ERI2: variants seen among roughly 807,000 people sequenced by gnomAD.
The protein encoded by ERI2 is ERI1 exoribonuclease 2.
In ERI2, 35 loss-of-function variants were observed where a neutral mutation model predicts 46.8. That is an observed-to-expected ratio of 0.75 (90% CI 0.57 to 0.99). The LOEUF (loss-of-function observed/expected upper bound fraction) is 0.99. ERI2 is among the 50% of genes least tolerant of loss of function. The pLI is 0.00. For missense variants in ERI2, 695 were observed against 796.2 expected (o/e 0.87, Z 1.53); for synonymous variants, 224 against 271.0 (o/e 0.83, Z 1.70).
Position 20,780,800 on chromosome 16 carries a change from C to T in ERI2, c.895-66G>A, listed in dbSNP as rs137879235. 1.6e-3 allele frequency: 2,513 copies of T among 1,614,168 alleles called. 2 individuals are homozygous for T. Among genetic ancestry groups the T allele is most frequent in the Non-Finnish European group, 2.0e-3 (2,325 of 1,180,024 alleles). ...TTTACCAGTGGAACAAGTGGATATCCGAAAATGACTGCACACACCCACAGC... is the reference window on the plus strand; with the variant it reads ...TTTACCAGTGGAACAAGTGGATATCTGAAAATGACTGCACACACCCACAGC... On this transcript the variant is annotated intron_variant, in intron 10 of 10. Transcript: ENST00000300005.
chr16:20,806,249 C>T (rs960834799), intron 1 of ERI2, 159 bp downstream of exon 1: 41 of 1,414,800 alleles, frequency 2.9e-5, no homozygotes, highest in Non-Finnish European at 3.8e-5. Context: ...TCCAGGGAGG[C>T]GCCTTTCCAA....
chr16:20,800,122 T>C, intron 6 of ERI2, 84 bp from the exon 7 acceptor site: 1 of 979,768 alleles, frequency 1.0e-6, no homozygotes, highest in South Asian at 1.5e-5. Flanking sequence ...TTTTTAGTTC[T>C]ATTAGATTTA....
chr16:20,796,181 A>G, downstream of ERI2: 1 of 979,676 alleles, frequency 1.0e-6, no homozygotes, highest in Non-Finnish European at 1.4e-6. Context: ...CAGGGGTCCC[A>G]GAAGCTCTCC....
At chr16:20,793,351 C>T (rs1014203364), downstream of ERI2, among the ~76,000 whole-genome samples, 2 of 152,154 alleles carry the variant, frequency 1.3e-5, no homozygotes, top group Admixed American at 1.3e-4. Flanking sequence ...CGCCTGTAAT[C>T]CCTGCTACTT....
chr16:20,798,769 G>T lies in ERI2; in HGVS notation c.1031C>A (p.Ser344Tyr), dbSNP rs1223858085. 7 of 1,551,474 alleles carry T rather than the reference G, an allele frequency of 4.5e-6. No individual in the cohort carries two copies. In the East Asian group the frequency reaches 1.7e-4, roughly 38 times the overall value. The change falls in exon 9 of 9, where the codon TCT (serine) becomes TAT (tyrosine). Residue 344 changes from serine (S) to tyrosine (Y), a missense_variant. Physicochemically the swap from Ser to Tyr is moderately radical, Grantham distance 144 (BLOSUM62 -2). Coordinates refer to ENST00000357967, the MANE Select transcript of ERI2 (RefSeq NM_001142725.2). ...ATAGATAGGTGAATTCAAGGTAGGA[G>T]ACTGCAACTGCCCCACAGAAGTAGA... ...KSSTSVGQLQ[S>Y]PTLNSPIYMQ...
At position 20,806,391 on chromosome 16, in the gene ERI2, G is replaced by A. The variant is rs1342071888; in HGVS notation, c.23+17C>T. The A allele has an allele frequency of 5.2e-6, 8 of 1,549,908 alleles. No homozygotes were observed. The highest frequency in any genetic ancestry group is 7.0e-6 in the Non-Finnish European group (8 of 1,146,976). On this transcript the variant is annotated intron_variant, in intron 1 of 8. Coordinates refer to ENST00000357967, the MANE Select transcript of ERI2 (RefSeq NM_001142725.2). The stretch of plus-strand genomic sequence containing the variant: ...ACCCGGAGCTACCCGCCCCCGACCC[G>A]GAACTCCCTCGAGTACCGCGCGAGC...
At chr16:20,805,554 A>G (rs1393039513) in intron 1 of ERI2, among the ~76,000 whole-genome samples, 2 of 152,244 alleles carry the variant, frequency 1.3e-5, no homozygotes, top group East Asian at 3.8e-4. Context: ...GACCTGTGCT[A>G]ACATTCTTAA....
downstream of ERI2, chr16:20,792,387 T>C (rs764887199): frequency 1.2e-6 from 2 of 1,603,238 alleles, no homozygotes; most frequent in East Asian, 4.5e-5. Context: ...ATTTAACACA[T>C]ACTTACAAAC....
In ERI2 at chr16:20,780,994, C is replaced by G. The variant is rs370138574; in HGVS notation, c.895-260G>C. The G allele has an allele frequency of 1.8e-5, 29 of 1,613,916 alleles. No homozygotes were observed. In the East Asian group the frequency reaches 6.0e-4, roughly 33 times the overall value. ...CCCAGGTTCTGGCTAGATTTGACAC[C>G]CTCAGATGTGATGTGGAATACCTCA... is the stretch of plus-strand genomic sequence containing the variant. On this transcript the variant is annotated intron_variant, in intron 10 of 10. Coordinates refer to the ERI2 transcript ENST00000300005.
At chr16:20,794,844 C>T (rs757684568), downstream of ERI2, among the ~76,000 whole-genome samples, 34 of 152,322 alleles carry the variant, frequency 2.2e-4, no homozygotes, top group Non-Finnish European at 4.1e-4. Context: ...GCTGTTCTGA[C>T]TTCAGAGTTC....
Position 20,798,581 on chromosome 16 carries a change from C to G in ERI2, c.1219G>C (p.Asp407His). Residue 407 changes from aspartate (D) to histidine (H), a missense_variant, in exon 9 of 9, where the codon GAT (aspartate) becomes CAT (histidine). Physicochemically the swap from Asp to His is moderately conservative, Grantham distance 81. Coordinates refer to ENST00000357967, the MANE Select transcript of ERI2 (RefSeq NM_001142725.2). ...STLDCLPVLA[D>H]WEDVVLLPAS... ...GGCAGTAAAACCACATCCTCCCAAT[C>G]AGCCAACACAGGTAAACAGTCCAGA... 6.4e-7 allele frequency: 1 copy of G among 1,551,628 alleles called. No individual in the cohort carries two copies. Among genetic ancestry groups the G allele is most frequent in the African/African-American group, 1.4e-5 (1 of 73,176 alleles).
chr16:20,790,675 T>A lies in ERI2; in HGVS notation c.815+175A>T. On this transcript the variant is annotated intron_variant, in intron 9 of 10. Transcript: ENST00000300005. The surrounding 1 kb of genome is among the most constrained non-coding windows in gnomAD (Gnocchi z 4.0). ...CTACCCAACCGACCATTTGGCCTTT[T>A]TACTCATTACGTAGTAAGTGACTTA... 1.2e-6 allele frequency: 2 copies of A among 1,614,174 alleles called. No homozygotes were observed. The highest frequency in any genetic ancestry group is 1.7e-6 in the Non-Finnish European group (2 of 1,180,006).
chr16:20,787,123 G>T (rs1363750981), intron 10 of ERI2, among the ~76,000 whole-genome samples: 1 of 152,172 alleles, frequency 6.6e-6, no homozygotes, highest in Non-Finnish European at 1.5e-5. Flanking sequence ...TTCAAAGCTG[G>T]GTGTAGCCAA....
At position 20,796,574 on chromosome 16, in the gene ERI2, T is replaced by C. The variant is rs1255105419; in HGVS notation, c.*1150A>G. The C allele has an allele frequency of 2.5e-6, 4 of 1,582,488 alleles. No individual in the cohort carries two copies. The African/African-American group carries it at 4.1e-5, about 16-fold the overall frequency. ...TTTTTACATTTTAATGAATATTTTC[T>C]TCACACATGCTGCACCACATGTCCC... is the stretch of plus-strand genomic sequence containing the variant. On this transcript the variant is annotated 3_prime_UTR_variant, in exon 9 of 9. Transcript: ENST00000357967.
rs755921925 is a variant in ERI2 at position 20,799,057 on chromosome 16, T to A, written c.743A>T (p.Lys248Met). The change falls in exon 9 of 9, where the codon AAG (lysine) becomes ATG (methionine). Residue 248 changes from lysine (K) to methionine (M), a missense_variant. Physicochemically the swap from Lys to Met is moderately conservative, Grantham distance 95. Coordinates refer to ENST00000357967, the MANE Select transcript of ERI2 (RefSeq NM_001142725.2). The stretch of plus-strand genomic sequence containing the variant: ...TCTGGCCAGAATGCTGAAATTCTTC[T>A]TAGTGGGAACCTATGATTCCACAGA... Reference protein sequence around the residue: ...ITRSLNKVPTKKNFSILARNL... With the variant: ...ITRSLNKVPTMKNFSILARNL... The A allele has an allele frequency of 6.0e-6, 9 of 1,507,764 alleles. No individual in the cohort carries two copies. The highest frequency in any genetic ancestry group is 1.8e-6 in the Non-Finnish European group (2 of 1,132,224). 93.4% of individuals were successfully genotyped at this position (1,507,764 alleles called of 1,614,324 possible). A position where few individuals can be genotyped will look rare whatever the true frequency, so the allele number is the denominator to read the frequency against.
At chr16:20,788,990 T>C (rs2080534295) in intron 10 of ERI2, among the ~76,000 whole-genome samples, 1 of 152,242 alleles carries the variant, frequency 6.6e-6, no homozygotes, top group Non-Finnish European at 1.5e-5. Context: ...AGTATTATAC[T>C]TATTCTCCAT....
intron 10 of ERI2, among the ~76,000 whole-genome samples, chr16:20,788,554 A>AGGGCATCTGCAGTAACATTC (rs1393193292): frequency 4.6e-5 from 7 of 152,206 alleles, no homozygotes; most frequent in Admixed American, 4.6e-4. Flanking sequence ...TCCTTAGCTA[A>AGGGCATCTGCAGTAACATTC]GGGCATCTGC....
At chr16:20,791,056 C>A in intron 8 of ERI2, 2 of 939,936 alleles carry the variant, frequency 2.1e-6, no homozygotes, top group Non-Finnish European at 3.2e-6. Context: ...ACAGGGGATG[C>A]GGGGGTGGTG....
At chr16:20,794,808 A>G (rs2080685089), downstream of ERI2, among the ~76,000 whole-genome samples, 1 of 152,246 alleles carries the variant, frequency 6.6e-6, no homozygotes, top group Non-Finnish European at 1.5e-5. Flanking sequence ...GTCCAACATT[A>G]CACAACAAAC....
Sources: allele counts gnomAD v4.1 joint callset (sites outside exome capture counted in the v4.1 genomes callset), GRCh38; gene constraint gnomAD v4.1.1; non-coding constraint Gnocchi (gnomAD v3.1); transcripts MANE v1.5; gene names NCBI Gene and HGNC (gene_info 2026-07-23, HGNC 2026-07-21).